STRA6: variants seen among roughly 807,000 people sequenced by gnomAD.
The protein encoded by STRA6 is signaling receptor and transporter of retinol STRA6, also known as receptor for retinol uptake STRA6.
In STRA6, 48 loss-of-function variants were observed where a neutral mutation model predicts 83.6. That is an observed-to-expected ratio of 0.57 (90% confidence interval 0.46 to 0.73). The LOEUF is 0.73. Among genes scored for constraint, STRA6 ranks in the 30% least tolerant of loss-of-function variants. STRA6 has a pLI of 0.00. For synonymous variants in STRA6, 353 were observed against 362.3 expected, an observed-to-expected ratio of 0.97 and a Z score of 0.29; for missense variants, 760 against 838.8, an observed-to-expected ratio of 0.91 and a Z score of 1.16.
At chr15:74,210,042 C>T (rs943593699), upstream of STRA6, among the ~76,000 whole-genome samples, 2 of 152,080 alleles carry the variant, frequency 1.3e-5, no homozygotes, top group Non-Finnish European at 2.9e-5. Flanking sequence ...CCAGGAGAGG[C>T]AGGGAGAGAG....
chr15:74,193,729 G>A, intron 8 of STRA6, 71 bp downstream of exon 8: 1 of 1,603,494 alleles, frequency 6.2e-7, no homozygotes, highest in Non-Finnish European at 8.5e-7. Flanking sequence ...ATGTATCTGG[G>A]ACCACAGATA....
chr15:74,194,258 C>A, intron 7 of STRA6: 1 of 921,322 alleles, frequency 1.1e-6, no homozygotes, highest in Non-Finnish European at 1.4e-6. Context: ...AGGAACAGTT[C>A]TGAAAATCAC....
intron 3 of STRA6, 153 bp downstream of exon 3, chr15:74,197,599 G>T (rs1470198054): frequency 1.7e-6 from 2 of 1,192,356 alleles, no homozygotes; most frequent in East Asian, 2.5e-5. Flanking sequence ...CTTGCATCCT[G>T]GTTTGGGCCT....
chr15:74,193,967 C>T, intron 7 of STRA6, 45 bp from the exon 8 acceptor site: 1 of 1,606,554 alleles, frequency 6.2e-7, no homozygotes, highest in African/African-American at 1.3e-5. Context: ...ACCTTCTTCC[C>T]CCAGCCAAGA....
intron 7 of STRA6, chr15:74,194,327 C>T: frequency 1.8e-6 from 2 of 1,140,974 alleles, no homozygotes; most frequent in Admixed American, 4.1e-5. Flanking sequence ...AAAGTCTATG[C>T]CCTACTCCTC....
At chr15:74,208,202 T>A in intron 1 of STRA6, 1 of 340,254 alleles carries the variant, frequency 2.9e-6, no homozygotes, top group Non-Finnish European at 4.4e-6. Context: ...AGATTTCAGC[T>A]CAGAACAAAG....
chr15:74,207,832 T>C (rs2142113495), intron 1 of STRA6: 1 of 1,533,936 alleles, frequency 6.5e-7, no homozygotes, highest in Non-Finnish European at 8.7e-7. Flanking sequence ...TTCGCACACA[T>C]ACGTGCTTAA....
At chr15:74,201,305 C>T (rs2074049881) in intron 2 of STRA6, among the ~76,000 whole-genome samples, 1 of 152,208 alleles carries the variant, frequency 6.6e-6, no homozygotes, top group South Asian at 2.1e-4. Flanking sequence ...GGCTCGGCAA[C>T]CCCCAGCCTC....
intron 13 of STRA6, 100 bp from the exon 14 acceptor site, chr15:74,184,089 A>C (rs1172155708): frequency 8.4e-6 from 13 of 1,544,950 alleles, no homozygotes; most frequent in Non-Finnish European, 1.1e-5. Flanking sequence ...ATAGAATTTC[A>C]ACTCACAGCC....
chr15:74,194,015 C>G, intron 7 of STRA6, 93 bp from the exon 8 acceptor site: 1 of 1,573,834 alleles, frequency 6.4e-7, no homozygotes, highest in Non-Finnish European at 8.7e-7. Context: ...ACACTGGGCC[C>G]TGAGGGTGGT....
Position 74,184,844 on chromosome 15 carries a change from C to T in STRA6, c.1166+136G>A, listed in dbSNP as rs1261731457. The T allele has an allele frequency of 2.0e-5, 17 of 837,580 alleles. 1 individual carries two copies. The highest frequency in any genetic ancestry group is 8.1e-5 in the East Asian group (3 of 36,968). The allele number at this position is 837,580 out of a possible 1,614,324, so 51.9% of individuals were successfully genotyped here. A position where few individuals can be genotyped will look rare whatever the true frequency, so the allele number is the denominator to read the frequency against. ...ACCTTCTCCCACTGCAGCGCAGCCA[C>T]GCACAGGTGGGCTCCATGACAGCCC... On this transcript the variant is annotated intron_variant, in intron 13 of 18. Coordinates refer to ENST00000395105, the MANE Select transcript of STRA6 (RefSeq NM_022369.4).
chr15:74,196,272 G>A (rs954033976), intron 4 of STRA6, 125 bp from the exon 5 acceptor site: 1 of 1,392,032 alleles, frequency 7.2e-7, no homozygotes, highest in Non-Finnish European at 9.8e-7. Context: ...GGGGAATAAG[G>A]CCCCTTCATT....
Position 74,182,146 on chromosome 15 carries a change from C to T in STRA6, c.1520+15G>A. On this transcript the variant is annotated intron_variant, in intron 16 of 18. Coordinates refer to ENST00000395105, the MANE Select transcript of STRA6 (RefSeq NM_022369.4). ...CGAGGGCCTGAGGGAGCCACAAGCC[C>T]AGATGCCACCTCACCGGTTGGTCAG... is the stretch of plus-strand genomic sequence containing the variant. 1 of 1,612,828 alleles carries T rather than the reference C, an allele frequency of 6.2e-7. No individual in the cohort carries two copies. The highest frequency in any genetic ancestry group is 1.3e-5 in the African/African-American group (1 of 75,044).
At chr15:74,207,820 C>G (rs1408407237) in intron 1 of STRA6, 2 of 1,535,196 alleles carry the variant, frequency 1.3e-6, no homozygotes, top group Admixed American at 2.0e-5. Flanking sequence ...ATCCAACTGC[C>G]CTTCGCACAC....
At chr15:74,204,940 A>AAAAG (rs1555458359), upstream of STRA6, among the ~76,000 whole-genome samples, 15 of 151,738 alleles carry the variant, frequency 9.9e-5, no homozygotes, top group Middle Eastern at 3.4e-3. Flanking sequence ...ATCTCAAAAA[A>AAAAG]AAAGAAAGAA....
At chr15:74,194,668 T>C (rs1473225428) in intron 7 of STRA6, 4 of 897,578 alleles carry the variant, frequency 4.5e-6, no homozygotes, top group Non-Finnish European at 5.9e-6. Context: ...TTTGTCTTGT[T>C]CATAGCTGTA....
At chr15:74,200,667 A>G (rs351244) in intron 2 of STRA6, among the ~76,000 whole-genome samples, 150,962 of 152,302 alleles carry the variant, frequency 0.99, 74,832 homozygotes, top group East Asian at 1. Flanking sequence ...TCCCACTTTG[A>G]GGGCAGGGGG....
chr15:74,191,249 G>C lies in STRA6; in HGVS notation c.789-6C>G, dbSNP rs182339166. The C allele has an allele frequency of 8.7e-6, 14 of 1,613,540 alleles. No individual in the cohort carries two copies. In the East Asian group the frequency reaches 3.1e-4, roughly 36 times the overall value. On this transcript the variant is annotated splice_region_variant and splice_polypyrimidine_tract_variant and intron_variant, in intron 9 of 18. Coordinates refer to ENST00000395105, the MANE Select transcript of STRA6 (RefSeq NM_022369.4). ...CATGCTTGGAGGTGTGGTAGCTGCA[G>C]AAAGACCCAGGCAGGTGCGGGGTCC...
chr15:74,194,818 T>G, intron 7 of STRA6: 1 of 1,310,268 alleles, frequency 7.6e-7, no homozygotes, highest in South Asian at 2.9e-5. Flanking sequence ...CCATCACTCT[T>G]TGAGTTCTAG....
Sources: allele counts gnomAD v4.1 joint callset (sites outside exome capture counted in the v4.1 genomes callset), GRCh38; gene constraint gnomAD v4.1.1; transcripts MANE v1.5; gene names NCBI Gene and HGNC (gene_info 2026-07-23, HGNC 2026-07-21).